The following HS6ST2 variants were observed in gnomAD, a reference collection of about 807,000 sequenced individuals.
The protein encoded by HS6ST2 is heparan-sulfate 6-O-sulfotransferase 2.
In HS6ST2, 17 loss-of-function variants were observed where a neutral mutation model predicts 33.0. The ratio of observed to expected loss-of-function variants is 0.52; its 90% CI spans 0.35 to 0.77. HS6ST2 has a LOEUF of 0.77. Ranked by LOEUF, HS6ST2 falls within the 30% of genes least tolerant of loss-of-function variation. The pLI, the probability that HS6ST2 is intolerant of heterozygous loss-of-function variation, is 0.01. For synonymous variants in HS6ST2, 248 were observed against 237.1 expected (o/e 1.05, Z -0.42); for missense variants, 519 against 551.7 (o/e 0.94, Z 0.59).
intron 2 of HS6ST2, among the ~76,000 whole-genome samples, chrX:132,863,066 T>C (rs1185887022): frequency 8.9e-6 from 1 of 111,799 alleles, no homozygotes; most frequent in East Asian, 2.8e-4. Flanking sequence ...TGGCACCCTC[T>C]GCAGAACAAC....
At chrX:132,868,255 C>T (rs1423951672) in intron 2 of HS6ST2, among the ~76,000 whole-genome samples, 1 of 111,948 alleles carries the variant, frequency 8.9e-6, no homozygotes, top group Admixed American at 9.4e-5. Context: ...ATACGTGTAC[C>T]CAGTACATGA....
chrX:132,789,678 T>C (rs1348243449), intron 2 of HS6ST2, among the ~76,000 whole-genome samples: 1 of 112,656 alleles, frequency 8.9e-6, no homozygotes, highest in African/African-American at 3.2e-5. Context: ...ACTCTAGATG[T>C]CATTAAGAAC....
chrX:132,729,453 A>T (rs977822582), intron 2 of HS6ST2, among the ~76,000 whole-genome samples: 1 of 111,392 alleles, frequency 9.0e-6, no homozygotes, highest in Non-Finnish European at 1.9e-5. Context: ...GTATAAAGAC[A>T]CTGGTGGTCC....
intron 2 of HS6ST2, among the ~76,000 whole-genome samples, chrX:132,914,580 C>A (rs776908766): frequency 1.4e-4 from 16 of 112,424 alleles, no homozygotes; most frequent in African/African-American, 5.2e-4. Context: ...ACAGAGCTTG[C>A]CAACTCTGTA....
At chrX:132,745,764 G>T (rs2064633107) in intron 2 of HS6ST2, among the ~76,000 whole-genome samples, 1 of 111,878 alleles carries the variant, frequency 8.9e-6, no homozygotes, top group African/African-American at 3.2e-5. Flanking sequence ...TTAGATCAGT[G>T]GTTCTCAATT....
chrX:132,904,146 GGAAA>G (rs1350895570), intron 2 of HS6ST2, among the ~76,000 whole-genome samples: 2 of 111,907 alleles, frequency 1.8e-5, no homozygotes, highest in African/African-American at 6.5e-5. Context: ...TAATATAGAT[GGAAA>G]GAAATTAGGC....
intron 4 of HS6ST2, among the ~76,000 whole-genome samples, chrX:132,668,851 C>A (rs2063832378): frequency 9.0e-6 from 1 of 111,295 alleles, no homozygotes; most frequent in Non-Finnish European, 1.9e-5. Context: ...CCTTGCCCTT[C>A]ACAGTCAGCC....
intron 3 of HS6ST2, among the ~76,000 whole-genome samples, chrX:132,700,116 G>A (rs1476919006): frequency 4.5e-5 from 5 of 111,938 alleles, no homozygotes; most frequent in Admixed American, 3.8e-4. Flanking sequence ...CAGAAATCAA[G>A]TTAGAATTGT....
At chrX:132,705,880 G>A (rs2064185205) in intron 3 of HS6ST2, among the ~76,000 whole-genome samples, 3 of 111,917 alleles carry the variant, frequency 2.7e-5, no homozygotes, top group Non-Finnish European at 5.6e-5. Context: ...TCATTGCCAG[G>A]TGATTTGCAT....
chrX:132,655,909 C>T (rs1018089348), intron 4 of HS6ST2, among the ~76,000 whole-genome samples: 4 of 111,597 alleles, frequency 3.6e-5, no homozygotes, highest in East Asian at 2.8e-4. Flanking sequence ...CCTAACCATC[C>T]GCCTATTTTT....
At chrX:132,829,199 T>TATATATATATATATATATATACACAC (rs55664940) in intron 2 of HS6ST2, among the ~76,000 whole-genome samples, 3 of 73,286 alleles carry the variant, frequency 4.1e-5, no homozygotes, top group East Asian at 3.5e-4. Flanking sequence ...TATATATATA[T>TATATATATATATATATATATACACAC]ACATACTTAT....
At chrX:132,833,903 A>G (rs2065616673) in intron 2 of HS6ST2, among the ~76,000 whole-genome samples, 1 of 110,721 alleles carries the variant, frequency 9.0e-6, no homozygotes, top group Admixed American at 9.7e-5. Flanking sequence ...TAAACCTGAT[A>G]ATGACCGCTG....
chrX:132,891,356 A>C (rs2066308458), intron 2 of HS6ST2, among the ~76,000 whole-genome samples: 1 of 103,156 alleles, frequency 9.7e-6, no homozygotes, highest in Non-Finnish European at 2.0e-5. Flanking sequence ...AAAAATGTTA[A>C]CTGAAAGAAC....
chrX:132,666,382 T>C (rs2063809970), intron 4 of HS6ST2, among the ~76,000 whole-genome samples: 1 of 111,819 alleles, frequency 8.9e-6, no homozygotes, highest in African/African-American at 3.3e-5. Context: ...CAGAGTCTAG[T>C]GCAATGGCAC....
chrX:132,921,931 T>A (rs1460165608), intron 2 of HS6ST2, among the ~76,000 whole-genome samples: 1 of 111,853 alleles, frequency 8.9e-6, no homozygotes, highest in African/African-American at 3.3e-5. Flanking sequence ...AATTGTATGG[T>A]TGGAGTTAGA....
At chrX:132,938,334 C>T (rs2066849689) in intron 2 of HS6ST2, among the ~76,000 whole-genome samples, 1 of 109,092 alleles carries the variant, frequency 9.2e-6, no homozygotes, top group African/African-American at 3.3e-5. Flanking sequence ...ACACCTAGAG[C>T]TCACATATTT....
intron 3 of HS6ST2, among the ~76,000 whole-genome samples, chrX:132,694,344 A>C (rs904279933): frequency 8.9e-6 from 1 of 111,944 alleles, no homozygotes; most frequent in Non-Finnish European, 1.9e-5. Flanking sequence ...TGGAATGAAC[A>C]TAAGGACCCA....
intron 2 of HS6ST2, among the ~76,000 whole-genome samples, chrX:132,847,289 G>A (rs1480698110): frequency 1.8e-5 from 2 of 111,174 alleles, no homozygotes; most frequent in Non-Finnish European, 3.8e-5. Context: ...TTTGTCATGG[G>A]GGGCTGTTTT....
chrX:132,897,704 G>T (rs1484097036), intron 2 of HS6ST2, among the ~76,000 whole-genome samples: 1 of 111,251 alleles, frequency 9.0e-6, no homozygotes, highest in African/African-American at 3.3e-5. Context: ...AGAAAGTGTG[G>T]ATGTGACAAC....
Sources: gnomAD v4.1 joint callset for allele counts (sites outside exome capture counted in the v4.1 genomes callset) on GRCh38, gnomAD v4.1.1 for gene constraint, MANE v1.5 for transcripts, NCBI Gene and HGNC (gene_info 2026-07-23, HGNC 2026-07-21) for gene names.